The following CHD6 variants were observed in gnomAD, a reference collection of about 807,000 sequenced individuals.
The protein encoded by CHD6 is ATP-dependent chromatin remodeler CHD6.
Under a neutral mutation model 276.9 loss-of-function variants are expected in CHD6, and 50 were observed. The observed-to-expected ratio is 0.18, with a 90% CI of 0.14 to 0.23. CHD6 has a LOEUF of 0.23. Among genes scored for constraint, CHD6 ranks in the 10% least tolerant of loss-of-function variants. The pLI is 1.00. For synonymous variants in CHD6, 1,173 were observed against 1,229.3 expected, an observed-to-expected ratio of 0.95 and a Z score of 0.96; for missense variants, 2,564 against 3,365.8, an observed-to-expected ratio of 0.76 and a Z score of 5.89.
At chr20:41,570,952 G>T (rs1283014825) in intron 1 of CHD6, among the ~76,000 whole-genome samples, 1 of 152,108 alleles carries the variant, frequency 6.6e-6, no homozygotes, top group Non-Finnish European at 1.5e-5. Context: ...TCTGCTCTCA[G>T]AGTTACCTAC....
intron 1 of CHD6, among the ~76,000 whole-genome samples, chr20:41,569,945 C>T (rs1272375084): frequency 6.6e-6 from 1 of 152,128 alleles, no homozygotes; most frequent in Non-Finnish European, 1.5e-5. Context: ...TGAGGGACTA[C>T]TGTATTTATG....
At chr20:41,491,931 T>G (rs2145868379) in intron 10 of CHD6, 112 bp from the exon 11 acceptor site, 1 of 1,161,360 alleles carries the variant, frequency 8.6e-7, no homozygotes, top group East Asian at 2.4e-5. Flanking sequence ...GGTTTCAAAC[T>G]ATAGTTATTA....
At chr20:41,552,768 T>C (rs189856984) in intron 1 of CHD6, among the ~76,000 whole-genome samples, 101 of 152,292 alleles carry the variant, frequency 6.6e-4, no homozygotes, top group Non-Finnish European at 1.2e-3. Context: ...TAGAGAGACA[T>C]GTCTACCAAG....
In CHD6 at chr20:41,597,566, G is replaced by A. The variant is rs536310416; in HGVS notation, c.-24+20774C>T. On this transcript the variant is annotated intron_variant, in intron 1 of 36. Coordinates refer to ENST00000373233, the MANE Select transcript of CHD6 (RefSeq NM_032221.5). The stretch of plus-strand genomic sequence containing the variant: ...ACCTGGGAAGGACCCCTTATCTAGT[G>A]CTCCTAACGACTGAAACAGCAGTCT... 9.0e-4 allele frequency among the ~76,000 whole-genome samples: 137 copies of A among 152,156 alleles called. No individual in the cohort carries two copies. The Middle Eastern group carries it at 0.01, about 11-fold the overall frequency.
At chr20:41,582,979 G>A (rs1021649717) in intron 1 of CHD6, among the ~76,000 whole-genome samples, 1 of 151,998 alleles carries the variant, frequency 6.6e-6, no homozygotes, top group African/African-American at 2.4e-5. Context: ...CAGAAAGAAG[G>A]CTGGAGAGCT....
chr20:41,503,151 G>T (rs1435823290), intron 5 of CHD6, among the ~76,000 whole-genome samples: 2 of 152,136 alleles, frequency 1.3e-5, no homozygotes, highest in Non-Finnish European at 2.9e-5. Context: ...CTGATAGGTT[G>T]ATGCTATTAT....
intron 2 of CHD6, among the ~76,000 whole-genome samples, chr20:41,542,621 A>T (rs370749381): frequency 4.6e-5 from 7 of 151,942 alleles, no homozygotes; most frequent in African/African-American, 1.7e-4. Context: ...TGAATCTGGG[A>T]GGTGGAGCTT....
chr20:41,474,256 G>C (rs1178449983), intron 16 of CHD6, among the ~76,000 whole-genome samples: 4 of 152,162 alleles, frequency 2.6e-5, no homozygotes. Flanking sequence ...GGAAAATCAA[G>C]AAACAGGGGT....
rs151000248 is a variant in CHD6, at chr20:41,610,688, G to A, written c.-24+7652C>T. On this transcript the variant is annotated intron_variant, in intron 1 of 36. Transcript: ENST00000373233. ...AGGCAGAATGGCCTGAACCCAGGAG[G>A]CGGAGCTTGCAGTGAGCTGAGATCG... 5.6e-3 allele frequency among the ~76,000 whole-genome samples: 854 copies of A among 152,248 alleles called. 8 individuals carry two copies. Among genetic ancestry groups the A allele is most frequent in the Middle Eastern group, 0.024 (7 of 294 alleles).
chr20:41,450,063 C>A (rs182686049), intron 23 of CHD6, among the ~76,000 whole-genome samples: 3 of 152,216 alleles, frequency 2.0e-5, no homozygotes, highest in East Asian at 3.9e-4. Context: ...GGGCATGAGA[C>A]TTATCTTCAA....
chr20:41,467,914 C>T (rs772898861), intron 17 of CHD6, among the ~76,000 whole-genome samples: 12 of 152,054 alleles, frequency 7.9e-5, no homozygotes, highest in Non-Finnish European at 1.8e-4. Context: ...AGTGCCTGTC[C>T]CATCCTGTGC....
intron 27 of CHD6, among the ~76,000 whole-genome samples, chr20:41,428,692 C>T (rs2047440622): frequency 6.6e-6 from 1 of 152,108 alleles, no homozygotes; most frequent in Admixed American, 6.5e-5. Context: ...AGCAGATATA[C>T]CTCAAATGCC....
intron 2 of CHD6, chr20:41,547,979 C>G: frequency 3.9e-6 from 1 of 257,090 alleles, no homozygotes; most frequent in Non-Finnish European, 7.7e-6. Flanking sequence ...CTGAACTTAC[C>G]CAAAATTATA....
chr20:41,579,925 T>A (rs2045518635), intron 1 of CHD6, among the ~76,000 whole-genome samples: 1 of 152,228 alleles, frequency 6.6e-6, no homozygotes, highest in Admixed American at 6.5e-5. Flanking sequence ...AAATTGGGTT[T>A]TTGTTTTGTT....
chr20:41,403,980 G>C lies in CHD6; in HGVS notation c.*613C>G. Reference sequence around the variant, plus strand: ...GCAGGTGTCTGAAAAACCACCAAGGGGGAAATTATATTACTACCGGTAAGG... The same window carrying C: ...GCAGGTGTCTGAAAAACCACCAAGGCGGAAATTATATTACTACCGGTAAGG... On this transcript the variant is annotated 3_prime_UTR_variant, in exon 37 of 37. Transcript: ENST00000373233. 9.5e-7 allele frequency: 1 copy of C among 1,054,122 alleles called. No homozygotes were observed. Among genetic ancestry groups the C allele is most frequent in the Non-Finnish European group, 1.1e-6 (1 of 872,384 alleles). The allele number at this position is 1,054,122 out of a possible 1,614,324, so 65.3% of individuals were successfully genotyped here.
chr20:41,510,122 C>T (rs1310254082), intron 5 of CHD6, among the ~76,000 whole-genome samples: 1 of 152,154 alleles, frequency 6.6e-6, no homozygotes, highest in Non-Finnish European at 1.5e-5. Flanking sequence ...CAGGCAGACA[C>T]CCACCCAGAG....
intron 8 of CHD6, among the ~76,000 whole-genome samples, chr20:41,494,671 C>G (rs2043638107): frequency 6.6e-6 from 1 of 152,134 alleles, no homozygotes; most frequent in African/African-American, 2.4e-5. Flanking sequence ...TCTTTCTTAC[C>G]CAGAAGCTGA....
chr20:41,550,672 C>T (rs529893305), intron 2 of CHD6, among the ~76,000 whole-genome samples: 10 of 152,226 alleles, frequency 6.6e-5, no homozygotes, highest in East Asian at 1.9e-4. Context: ...CAGAAATAGC[C>T]CATTTCCAAG....
At chr20:41,468,052 TAAA>T in intron 17 of CHD6, among the ~76,000 whole-genome samples, 1 of 152,170 alleles carries the variant, frequency 6.6e-6, no homozygotes, top group Admixed American at 6.5e-5. Context: ...GTCATCTTCT[TAAA>T]GAAGTCTTCC....
Sources: allele counts gnomAD v4.1 joint callset (sites outside exome capture counted in the v4.1 genomes callset), GRCh38; gene constraint gnomAD v4.1.1; transcripts MANE v1.5; gene names NCBI Gene and HGNC (gene_info 2026-07-23, HGNC 2026-07-21).